EFR3A: variants seen among roughly 807,000 people sequenced by gnomAD.
EFR3A encodes the protein EFR3 homolog A, also known as protein EFR3 homolog A.
A neutral mutation model predicts 104.4 loss-of-function variants in EFR3A; 76 were observed. That is an observed-to-expected ratio of 0.73 (90% confidence interval 0.60 to 0.88). The LOEUF is 0.88. Ranked by LOEUF, EFR3A falls within the 40% of genes least tolerant of loss-of-function variation. EFR3A has a pLI of 0.00. For missense variants in EFR3A, 985 were observed against 1,012.5 expected (o/e 0.97, Z 0.37); for synonymous variants, 330 against 330.0 (o/e 1.00, Z 0.00).
At chr8:131,931,935 T>A (rs1195050834) in intron 1 of EFR3A, among the ~76,000 whole-genome samples, 1 of 152,110 alleles carries the variant, frequency 6.6e-6, no homozygotes, top group Non-Finnish European at 1.5e-5. Context: ...TTATCCTGGC[T>A]CCTGGTTTGC....
At chr8:131,987,502 A>T in intron 17 of EFR3A, 73 bp from the exon 18 acceptor site, 1 of 1,450,248 alleles carries the variant, frequency 6.9e-7, no homozygotes, top group Non-Finnish European at 9.2e-7. Context: ...TTGCTCTGGA[A>T]TGTTTTGCAT....
At chr8:131,925,961 A>AT (rs955454375) in intron 1 of EFR3A, among the ~76,000 whole-genome samples, 47 of 150,872 alleles carry the variant, frequency 3.1e-4, no homozygotes, top group South Asian at 1.5e-3. Context: ...TAATGTTATT[A>AT]TTTTTTTTTG....
intron 11 of EFR3A, among the ~76,000 whole-genome samples, chr8:131,976,799 T>C (rs1447245332): frequency 6.6e-6 from 1 of 152,182 alleles, no homozygotes; most frequent in African/African-American, 2.4e-5. Flanking sequence ...AATTTTCTTG[T>C]CATCAGATGC....
chr8:131,997,329 A>C (rs1821546821), intron 19 of EFR3A, among the ~76,000 whole-genome samples: 1 of 152,098 alleles, frequency 6.6e-6, no homozygotes, highest in African/African-American at 2.4e-5. Context: ...AGGGAAAGGA[A>C]GTTAGCTGAA....
chr8:131,973,595 T>G (rs150309777), intron 10 of EFR3A, among the ~76,000 whole-genome samples: 2 of 152,306 alleles, frequency 1.3e-5, no homozygotes, highest in African/African-American at 4.8e-5. Context: ...AAAAAAAATC[T>G]GGTTTCCTTA....
chr8:132,011,109 C>G lies in EFR3A; in HGVS notation c.*214C>G. Reference sequence around the variant, plus strand: ...GATAGATTTATGCCATGTTAATTTGCTTTGAGGTTCCTGTTGCCTTTTTAA... The same window carrying G: ...GATAGATTTATGCCATGTTAATTTGGTTTGAGGTTCCTGTTGCCTTTTTAA... On this transcript the variant is annotated 3_prime_UTR_variant, in exon 23 of 23. Coordinates refer to ENST00000254624, the MANE Select transcript of EFR3A (RefSeq NM_015137.6). The G allele has an allele frequency of 8.2e-7, 1 of 1,215,280 alleles. No homozygotes were observed. Among genetic ancestry groups the G allele is most frequent in the East Asian group, 3.2e-5 (1 of 31,412 alleles). 75.3% of individuals were successfully genotyped at this position (1,215,280 alleles called of 1,614,324 possible). A position where few individuals can be genotyped will look rare whatever the true frequency, so the allele number is the denominator to read the frequency against.
chr8:131,966,237 A>C (rs1018632229), intron 8 of EFR3A, among the ~76,000 whole-genome samples: 1 of 151,586 alleles, frequency 6.6e-6, no homozygotes, highest in Non-Finnish European at 1.5e-5. Flanking sequence ...AAAAAGCAAC[A>C]AAAAAAAGAG....
chr8:131,973,132 C>G (rs896367398), intron 10 of EFR3A, among the ~76,000 whole-genome samples: 2 of 150,334 alleles, frequency 1.3e-5, no homozygotes, highest in Non-Finnish European at 3.0e-5. Context: ...CACACTAACA[C>G]AAAGTAGGCA....
intron 1 of EFR3A, among the ~76,000 whole-genome samples, chr8:131,908,085 G>T (rs1374349388): frequency 4.5e-4 from 68 of 151,546 alleles, no homozygotes; most frequent in African/African-American, 1.6e-3. Context: ...TTTTGAGAGG[G>T]AGTCTCGCTC....
intron 4 of EFR3A, among the ~76,000 whole-genome samples, chr8:131,948,703 T>A (rs980459877): frequency 1.3e-5 from 2 of 152,118 alleles, no homozygotes; most frequent in Non-Finnish European, 2.9e-5. Flanking sequence ...AGTGAGTCAT[T>A]TGGGCAAAAG....
intron 22 of EFR3A, among the ~76,000 whole-genome samples, chr8:132,006,950 C>T (rs1229664900): frequency 6.6e-6 from 1 of 151,752 alleles, no homozygotes; most frequent in Non-Finnish European, 1.5e-5. Flanking sequence ...TTTGAAAAAG[C>T]TCAATGTTCA....
chr8:131,933,647 TA>T (rs1401858287), intron 1 of EFR3A, among the ~76,000 whole-genome samples: 7 of 152,234 alleles, frequency 4.6e-5, no homozygotes, highest in African/African-American at 1.7e-4. Context: ...AATATGATAA[TA>T]TACAGTAAAG....
rs10101107 is a variant in EFR3A at position 131,994,410 on chromosome 8, T to C, written c.2066-1996T>C. Among the ~76,000 whole-genome samples the C allele has an allele frequency of 1.2e-3, 178 of 152,290 alleles. 1 individual carries two copies. The highest frequency in any genetic ancestry group is 4.1e-3 in the African/African-American group (170 of 41,568). On this transcript the variant is annotated intron_variant, in intron 18 of 22. Transcript: ENST00000254624. ...GCTCTTCAGGTAGCTGGAGAGGGCCTGGGGCAGTCTGAGCCTGCAATATGA... is the reference window on the plus strand; with the variant it reads ...GCTCTTCAGGTAGCTGGAGAGGGCCCGGGGCAGTCTGAGCCTGCAATATGA...
At chr8:132,003,211 C>G (rs759871375) in intron 21 of EFR3A, 25 bp from the exon 22 acceptor site, 5 of 1,597,652 alleles carry the variant, frequency 3.1e-6, no homozygotes, top group Non-Finnish European at 4.3e-6. Context: ...ATAAACCATT[C>G]TTAACATTTT....
intron 8 of EFR3A, among the ~76,000 whole-genome samples, chr8:131,964,099 A>T (rs1038037985): frequency 2.9e-4 from 44 of 152,284 alleles, no homozygotes; most frequent in African/African-American, 9.6e-4. Flanking sequence ...TCTATGACAA[A>T]CCCACAGCCA....
intron 8 of EFR3A, among the ~76,000 whole-genome samples, chr8:131,965,847 G>A (rs986042074): frequency 2.0e-5 from 3 of 152,020 alleles, no homozygotes; most frequent in East Asian, 1.9e-4. Context: ...TTAAGAAAAT[G>A]TGGCACATAT....
At chr8:131,983,080 A>G (rs1217425968) in intron 14 of EFR3A, among the ~76,000 whole-genome samples, 3 of 152,192 alleles carry the variant, frequency 2.0e-5, no homozygotes, top group South Asian at 2.1e-4. Context: ...CAGAATGCAT[A>G]CTTGTTACAG....
intron 14 of EFR3A, 74 bp downstream of exon 14, chr8:131,979,495 G>A (rs1820495441): frequency 9.5e-7 from 1 of 1,052,432 alleles, no homozygotes; most frequent in Non-Finnish European, 1.4e-6. Context: ...GTTTTATATT[G>A]ATCTGTGCCC....
At chr8:132,000,150 A>T (rs932709124) in intron 19 of EFR3A, among the ~76,000 whole-genome samples, 2 of 152,012 alleles carry the variant, frequency 1.3e-5, no homozygotes, top group African/African-American at 4.8e-5. Flanking sequence ...GTTTTTTGAG[A>T]CGGAGTCTTG....
Sources: gnomAD v4.1 joint callset for allele counts (sites outside exome capture counted in the v4.1 genomes callset) on GRCh38, gnomAD v4.1.1 for gene constraint, MANE v1.5 for transcripts, NCBI Gene and HGNC (gene_info 2026-07-23, HGNC 2026-07-21) for gene names.